Variants in FAM135B observed in about 807,000 individuals in gnomAD.
FAM135B encodes the protein protein FAM135B.
A neutral mutation model predicts 127.7 loss-of-function variants in FAM135B; 43 were observed. That is an observed-to-expected ratio of 0.34 (90% confidence interval 0.26 to 0.43). The LOEUF (loss-of-function observed/expected upper bound fraction) is 0.43. Ranked by LOEUF, FAM135B falls within the 20% of genes least tolerant of loss-of-function variation. FAM135B has a pLI of 1.00. For synonymous variants in FAM135B, 670 were observed against 665.1 expected (o/e 1.01, Z -0.11); for missense variants, 1,558 against 1,725.6 (o/e 0.90, Z 1.72).
chr8:138,142,579 C>A (rs1016253045), intron 16 of FAM135B, among the ~76,000 whole-genome samples: 6 of 152,104 alleles, frequency 3.9e-5, no homozygotes, highest in African/African-American at 1.4e-4. Context: ...GCTGGGATTA[C>A]AGGTGTGAGC....
chr8:138,366,715 G>A (rs931081729), intron 2 of FAM135B, among the ~76,000 whole-genome samples: 1 of 152,136 alleles, frequency 6.6e-6, no homozygotes, highest in African/African-American at 2.4e-5. Flanking sequence ...ACTCAGGGTT[G>A]TCTTTTCACA....
intron 1 of FAM135B, among the ~76,000 whole-genome samples, chr8:138,389,975 A>C (rs1162371706): frequency 6.6e-6 from 1 of 152,286 alleles, no homozygotes. Context: ...TCTGCTTTGC[A>C]CTTAATCATT....
At chr8:138,288,038 A>G (rs1824830209) in intron 3 of FAM135B, among the ~76,000 whole-genome samples, 1 of 152,226 alleles carries the variant, frequency 6.6e-6, no homozygotes, top group African/African-American at 2.4e-5. Flanking sequence ...ATTACCACAT[A>G]ATTATCACTT....
chr8:138,164,024 T>C (rs753278495), intron 12 of FAM135B, among the ~76,000 whole-genome samples: 1 of 152,180 alleles, frequency 6.6e-6, no homozygotes, highest in South Asian at 2.1e-4. Context: ...GAAATGGAAA[T>C]CTTTTATTTC....
At chr8:138,351,994 TA>T (rs1402666751) in intron 2 of FAM135B, among the ~76,000 whole-genome samples, 2 of 152,276 alleles carry the variant, frequency 1.3e-5, no homozygotes, top group Non-Finnish European at 2.9e-5. Context: ...TCGACCAGAT[TA>T]TTTTTTTATT....
intron 1 of FAM135B, among the ~76,000 whole-genome samples, chr8:138,388,301 CA>C (rs1832339703): frequency 6.6e-5 from 10 of 152,102 alleles, no homozygotes; most frequent in Admixed American, 6.5e-4. Flanking sequence ...GGTGGGAATG[CA>C]AAATGGTATA....
chr8:138,155,587 AG>A (rs1818651077), intron 12 of FAM135B, among the ~76,000 whole-genome samples: 1 of 152,194 alleles, frequency 6.6e-6, no homozygotes, highest in African/African-American at 2.4e-5. Context: ...CTCAAAATAA[AG>A]GGATGGAGGA....
At chr8:138,220,613 T>C (rs1479116525) in intron 7 of FAM135B, among the ~76,000 whole-genome samples, 1 of 152,120 alleles carries the variant, frequency 6.6e-6, no homozygotes, top group Non-Finnish European at 1.5e-5. Flanking sequence ...GCATTGTAAG[T>C]GCTTGGTAAG....
chr8:138,213,685 A>C (rs997688646), intron 7 of FAM135B, among the ~76,000 whole-genome samples: 1 of 152,116 alleles, frequency 6.6e-6, no homozygotes, highest in Non-Finnish European at 1.5e-5. Flanking sequence ...GGATTTAAAC[A>C]CTAGAATGAT....
At chr8:138,414,750 A>G (rs112893371) in intron 1 of FAM135B, among the ~76,000 whole-genome samples, 7 of 152,292 alleles carry the variant, frequency 4.6e-5, no homozygotes, top group African/African-American at 1.7e-4. Flanking sequence ...AGATGGCTGT[A>G]GCACTTACCA....
intron 1 of FAM135B, among the ~76,000 whole-genome samples, chr8:138,467,577 A>T (rs569581731): frequency 1.3e-5 from 2 of 152,330 alleles, no homozygotes; most frequent in South Asian, 4.1e-4. Context: ...TCTGAAATAC[A>T]GGGTACAGAG....
intron 7 of FAM135B, among the ~76,000 whole-genome samples, chr8:138,204,227 G>A (rs1408913615): frequency 1.3e-5 from 2 of 151,840 alleles, no homozygotes; most frequent in Non-Finnish European, 2.9e-5. Context: ...TTCTCTTTAG[G>A]GCCTATGCTC....
chr8:138,236,405 C>T (rs1323761612), intron 7 of FAM135B, among the ~76,000 whole-genome samples: 1 of 149,208 alleles, frequency 6.7e-6, no homozygotes, highest in East Asian at 1.9e-4. Flanking sequence ...CACATACACA[C>T]ACACACACAC....
intron 2 of FAM135B, among the ~76,000 whole-genome samples, chr8:138,325,593 T>C (rs748167570): frequency 5.3e-5 from 8 of 152,172 alleles, no homozygotes; most frequent in Non-Finnish European, 7.3e-5. Flanking sequence ...AGAATCCTCA[T>C]TGAATAAAGC....
At chr8:138,374,983 T>TAACAGCAAC in intron 1 of FAM135B, among the ~76,000 whole-genome samples, 1 of 150,374 alleles carries the variant, frequency 6.7e-6, no homozygotes, top group African/African-American at 2.5e-5. Context: ...CTGGGAAAAT[T>TAACAGCAAC]AACAACAACA....
At chr8:138,318,681 T>C (rs574021273) in intron 2 of FAM135B, among the ~76,000 whole-genome samples, 25 of 152,342 alleles carry the variant, frequency 1.6e-4, no homozygotes, top group African/African-American at 6.0e-4. Flanking sequence ...TTTTGTTGTA[T>C]AGCTACGTCT....
At position 138,243,610 on chromosome 8, in the gene FAM135B, CT is replaced by C. The variant is rs1386428540; in HGVS notation, c.543-543del. Among the ~76,000 whole-genome samples the C allele has an allele frequency of 1.4e-4, 21 of 152,218 alleles. No homozygotes were observed. Among genetic ancestry groups the C allele is most frequent in the African/African-American group, 4.3e-4 (18 of 41,456 alleles). On this transcript the variant is annotated intron_variant, in intron 6 of 19. Transcript: ENST00000395297. The surrounding 1 kb of genome is among the most constrained non-coding windows in gnomAD (Gnocchi z 7.5). ...CAACGCTAATTGGGAAGACCATAAC[CT>C]GCTCAGCTCACAAATGTGCAGTTCC...
chr8:138,367,587 A>T (rs1342149077), intron 2 of FAM135B, among the ~76,000 whole-genome samples: 1 of 152,162 alleles, frequency 6.6e-6, no homozygotes, highest in Non-Finnish European at 1.5e-5. Flanking sequence ...CTACACAGGC[A>T]AGCTTCATTT....
chr8:138,422,610 A>G (rs1457686323), intron 1 of FAM135B, among the ~76,000 whole-genome samples: 1 of 152,206 alleles, frequency 6.6e-6, no homozygotes, highest in African/African-American at 2.4e-5. Context: ...AAGTCAAAAA[A>G]TAACAGAAAA....
Sources: allele counts gnomAD v4.1 joint callset (sites outside exome capture counted in the v4.1 genomes callset), GRCh38; gene constraint gnomAD v4.1.1; non-coding constraint Gnocchi (gnomAD v3.1); transcripts MANE v1.5; gene names NCBI Gene and HGNC (gene_info 2026-07-23, HGNC 2026-07-21).